The following DMD variants were observed in gnomAD, a reference collection of about 807,000 sequenced individuals.
DMD encodes dystrophin, also known as mutant dystrophin.
DMD carries 63 observed loss-of-function variants against 330.1 expected under a neutral mutation model. The observed-to-expected ratio is 0.19, with a 90% CI of 0.16 to 0.24. DMD has a LOEUF of 0.24. DMD is among the 10% of genes least tolerant of loss of function. The pLI, the probability that DMD is intolerant of heterozygous loss-of-function variation, is 1.00. For synonymous variants in DMD, 1,223 were observed against 959.8 expected, an observed-to-expected ratio of 1.27 and a Z score of -5.07; for missense variants, 3,344 against 2,684.1, an observed-to-expected ratio of 1.25 and a Z score of -5.43.
chrX:32,118,718 C>A (rs999442445), intron 44 of DMD, among the ~76,000 whole-genome samples: 3 of 109,907 alleles, frequency 2.7e-5, no homozygotes, highest in East Asian at 2.9e-4. Flanking sequence ...CAATCCCCAA[C>A]CTTTTCGGCA....
chrX:31,964,596 AGTGT>A (rs59973399), intron 45 of DMD, among the ~76,000 whole-genome samples: 1,911 of 99,584 alleles, frequency 0.019, 40 homozygotes, highest in African/African-American at 0.063. Flanking sequence ...AATGTTAAAA[AGTGT>A]GTGTGTGTGT....
At chrX:31,766,143 G>A (rs1015574172) in intron 51 of DMD, among the ~76,000 whole-genome samples, 4 of 111,425 alleles carry the variant, frequency 3.6e-5, no homozygotes, top group African/African-American at 9.8e-5. Context: ...TTGCTTTCCT[G>A]TAAGAAAGTT....
Position 32,686,514 on chromosome X carries a change from G to A in DMD, c.960+11356C>T, listed in dbSNP as rs187285928. Among the ~76,000 whole-genome samples the A allele has an allele frequency of 2.1e-3, 206 of 95,876 alleles. 2 individuals are homozygous for A. Among genetic ancestry groups the A allele is most frequent in the African/African-American group, 8.1e-3 (198 of 24,499 alleles). The allele number at this position is 95,876 out of a possible 115,157, so 83.3% of individuals were successfully genotyped here. A position where few individuals can be genotyped will look rare whatever the true frequency, so the allele number is the denominator to read the frequency against. ...GCAGAGGTTGCATTGAGCCAAGATC[G>A]TGCCAGTGCACTTCAGCCGGGGCAA... On this transcript the variant is annotated intron_variant, in intron 9 of 78. Coordinates refer to ENST00000357033, the MANE Select transcript of DMD (RefSeq NM_004006.3).
At chrX:32,256,599 C>A (rs2097300144) in intron 43 of DMD, among the ~76,000 whole-genome samples, 1 of 110,977 alleles carries the variant, frequency 9.0e-6, no homozygotes, top group African/African-American at 3.3e-5. Context: ...GCAGTTTCTT[C>A]ATAGGGTCGA....
intron 2 of DMD, among the ~76,000 whole-genome samples, chrX:32,909,150 CAAAAAAAAAAA>C (rs36075436): frequency 1.5e-5 from 1 of 68,262 alleles, no homozygotes. Context: ...TCTATATGAG[CAAAAAAAAAAA>C]AAAAAAAAAA....
In DMD at chrX:31,755,388, T is replaced by C. The variant is rs190685091; in HGVS notation, c.7542+18572A>G. The stretch of plus-strand genomic sequence containing the variant: ...CCACATTGAATCCGAAGATTCTAGT[T>C]GTCTGATGCCTTCTCTAAGGTTAAC... On this transcript the variant is annotated intron_variant, in intron 51 of 78. Transcript: ENST00000357033. 3.3e-3 allele frequency among the ~76,000 whole-genome samples: 370 copies of C among 112,106 alleles called. 1 individual carries two copies. Among genetic ancestry groups the C allele is most frequent in the African/African-American group, 0.011 (339 of 30,928 alleles).
chrX:31,266,575 A>G (rs192140108), intron 62 of DMD, among the ~76,000 whole-genome samples: 45 of 112,087 alleles, frequency 4.0e-4, no homozygotes, highest in Admixed American at 3.8e-3. Context: ...CCCGTCCCAA[A>G]GCCGAGGGAA....
intron 9 of DMD, among the ~76,000 whole-genome samples, chrX:32,655,474 C>A (rs2060494886): frequency 8.9e-6 from 1 of 112,121 alleles, no homozygotes; most frequent in South Asian, 3.7e-4. Flanking sequence ...ATCCAGAGTT[C>A]TAGTTTGATT....
chrX:32,450,639 G>T (rs776441343), intron 26 of DMD, among the ~76,000 whole-genome samples: 3 of 110,255 alleles, frequency 2.7e-5, no homozygotes, highest in African/African-American at 6.6e-5. Context: ...GAAAACTGAG[G>T]TTCAGAGAGT....
At chrX:33,026,623 T>G (rs1235308079) in intron 1 of DMD, among the ~76,000 whole-genome samples, 1 of 111,252 alleles carries the variant, frequency 9.0e-6, no homozygotes. Context: ...ATGCTTTCTA[T>G]TAAATCTGAG....
intron 1 of DMD, among the ~76,000 whole-genome samples, chrX:33,155,465 G>A (rs1178176258): frequency 4.5e-5 from 5 of 110,059 alleles, no homozygotes; most frequent in Admixed American, 2.9e-4. Flanking sequence ...ACAGGTGCCC[G>A]CCACCACACC....
At chrX:32,799,760 T>C (rs2076416325) in intron 7 of DMD, among the ~76,000 whole-genome samples, 1 of 110,944 alleles carries the variant, frequency 9.0e-6, no homozygotes, top group Non-Finnish European at 1.9e-5. Flanking sequence ...TAAAGAGATA[T>C]ACCTATTATC....
chrX:31,926,337 T>G (rs766208702), intron 47 of DMD, among the ~76,000 whole-genome samples: 2 of 111,556 alleles, frequency 1.8e-5, no homozygotes, highest in Non-Finnish European at 3.8e-5. Context: ...CTTAAAGAAA[T>G]AGCTATATTA....
chrX:31,435,999 A>G (rs1000237972), intron 60 of DMD, among the ~76,000 whole-genome samples: 3 of 111,651 alleles, frequency 2.7e-5, no homozygotes, highest in Non-Finnish European at 5.6e-5. Flanking sequence ...GGACAAGAAA[A>G]CATGACCATC....
chrX:31,779,575 G>A (rs1238615404), intron 50 of DMD, among the ~76,000 whole-genome samples: 3 of 111,939 alleles, frequency 2.7e-5, no homozygotes, highest in Admixed American at 9.5e-5. Flanking sequence ...TAACAGATTT[G>A]GGTGGGTTTT....
chrX:32,638,114 C>G (rs1715804172), intron 11 of DMD, among the ~76,000 whole-genome samples: 2 of 111,803 alleles, frequency 1.8e-5, no homozygotes, highest in Admixed American at 1.9e-4. Context: ...AACCGAATGT[C>G]ACGTTATCAT....
intron 52 of DMD, among the ~76,000 whole-genome samples, chrX:31,691,007 T>C (rs1024416164): frequency 9.1e-6 from 1 of 110,285 alleles, no homozygotes. Context: ...TTGGGAGATA[T>C]ACCTAATGTA....
At chrX:32,467,675 ATG>A (rs1314604737) in intron 23 of DMD, among the ~76,000 whole-genome samples, 5 of 105,828 alleles carry the variant, frequency 4.7e-5, no homozygotes, top group Admixed American at 1.0e-4. Context: ...TGTTATATGT[ATG>A]TGTGTGTATA....
chrX:31,121,708 C>A lies in DMD; in HGVS notation c.*211G>T. Reference sequence around the variant, plus strand: ...TAACAGACTTAGAAACTACTGAAATCTACAGTATAATACCACTACCCTTCA... The same window carrying A: ...TAACAGACTTAGAAACTACTGAAATATACAGTATAATACCACTACCCTTCA... On this transcript the variant is annotated 3_prime_UTR_variant, in exon 79 of 79. Coordinates refer to ENST00000357033, the MANE Select transcript of DMD (RefSeq NM_004006.3). The A allele has an allele frequency of 3.8e-6, 2 of 528,304 alleles. No individual in the cohort carries two copies. The highest frequency in any genetic ancestry group is 7.3e-5 in the East Asian group (2 of 27,442). 43.5% of individuals were successfully genotyped at this position (528,304 alleles called of 1,213,427 possible). A position where few individuals can be genotyped will look rare whatever the true frequency, so the allele number is the denominator to read the frequency against.
Sources: gnomAD v4.1 joint callset for allele counts (sites outside exome capture counted in the v4.1 genomes callset) on GRCh38, gnomAD v4.1.1 for gene constraint, MANE v1.5 for transcripts, NCBI Gene and HGNC (gene_info 2026-07-23, HGNC 2026-07-21) for gene names.